Variants in LRRC7 observed in about 807,000 individuals in gnomAD.
The protein encoded by LRRC7 is leucine-rich repeat-containing protein 7.
Under a neutral mutation model 175.7 loss-of-function variants are expected in LRRC7, and 23 were observed. The observed-to-expected ratio is 0.13, with a 90% CI of 0.09 to 0.19. LRRC7 has a LOEUF of 0.19. Among genes scored for constraint, LRRC7 ranks in the 10% least tolerant of loss-of-function variants. LRRC7 has a pLI of 1.00. For synonymous variants in LRRC7, 685 were observed against 680.9 expected (o/e 1.01, Z -0.09); for missense variants, 1,354 against 1,904.7 (o/e 0.71, Z 5.38).
At chr1:69,935,721 C>T (rs2101783633) in intron 8 of LRRC7, among the ~76,000 whole-genome samples, 1 of 152,156 alleles carries the variant, frequency 6.6e-6, no homozygotes, top group Middle Eastern at 3.4e-3. Flanking sequence ...ACATACTAAT[C>T]CTTTGTTGTC....
At chr1:69,992,304 A>G (rs1056203580) in intron 10 of LRRC7, among the ~76,000 whole-genome samples, 2 of 152,130 alleles carry the variant, frequency 1.3e-5, no homozygotes, top group Non-Finnish European at 2.9e-5. Context: ...CTGACTGCAT[A>G]TATGTGTGTG....
chr1:69,907,476 G>T (rs1177815324), intron 7 of LRRC7, among the ~76,000 whole-genome samples: 2 of 152,146 alleles, frequency 1.3e-5, no homozygotes, highest in South Asian at 2.1e-4. Flanking sequence ...ATGAAGGGTT[G>T]TTGAATTTTG....
chr1:70,039,826 T>G, intron 21 of LRRC7, 33 bp downstream of exon 21: 1 of 1,536,174 alleles, frequency 6.5e-7, no homozygotes, highest in Non-Finnish European at 8.7e-7. Flanking sequence ...AGAATATCCC[T>G]CCTGCCTTTA....
intron 23 of LRRC7, among the ~76,000 whole-genome samples, chr1:70,075,606 A>C (rs1483175559): frequency 1.3e-5 from 2 of 152,210 alleles, no homozygotes; most frequent in African/African-American, 4.8e-5. Flanking sequence ...TAATGGTGAT[A>C]ATTGATAAAT....
chr1:69,969,445 C>T (rs576948249), intron 8 of LRRC7, among the ~76,000 whole-genome samples: 2 of 152,074 alleles, frequency 1.3e-5, no homozygotes, highest in Non-Finnish European at 2.9e-5. Context: ...AAAGACACCC[C>T]ATGCAAATGG....
chr1:69,898,942 C>A (rs750183056), intron 7 of LRRC7, among the ~76,000 whole-genome samples: 2 of 152,206 alleles, frequency 1.3e-5, no homozygotes, highest in African/African-American at 2.4e-5. Context: ...CCATGGAGAA[C>A]CACGCAGCAT....
chr1:69,671,566 G>A (rs1446851884), intron 1 of LRRC7, among the ~76,000 whole-genome samples: 7 of 152,050 alleles, frequency 4.6e-5, no homozygotes, highest in Non-Finnish European at 1.0e-4. Context: ...TTCAGTCCTA[G>A]GACTTACCTT....
chr1:69,631,224 C>T lies in LRRC7; in HGVS notation c.3-47157C>T, dbSNP rs1196223983. Among the ~76,000 whole-genome samples the T allele has an allele frequency of 2.0e-5, 3 of 152,044 alleles. No individual in the cohort carries two copies. In the South Asian group the frequency reaches 6.2e-4, roughly 32 times the overall value. ...AATGTGGATTTCTGTCTTCACTGGT[C>T]GACTTAACTTGCCCTTACCAAGGCT... On this transcript the variant is annotated intron_variant, in intron 1 of 26. Coordinates refer to ENST00000651989, the MANE Select transcript of LRRC7 (RefSeq NM_001370785.2).
rs1370287556 is a variant in LRRC7 at position 69,568,227 on chromosome 1, A to G, written c.-413A>G. Among the ~76,000 whole-genome samples the G allele has an allele frequency of 2.0e-5, 3 of 151,600 alleles. No homozygotes were observed. The highest frequency in any genetic ancestry group is 4.4e-5 in the Non-Finnish European group (3 of 67,898). The stretch of plus-strand genomic sequence containing the variant: ...CCTGCTTGTCTCTTCTCCGCCCAGG[A>G]TTTATTGTCTGTGGAGCCTTCTGGG... On this transcript the variant is annotated 5_prime_UTR_variant, in exon 1 of 27. Coordinates refer to ENST00000651989, the MANE Select transcript of LRRC7 (RefSeq NM_001370785.2).
rs369214103 is a variant in LRRC7, at chr1:70,096,634, C to T, written c.4545+6815C>T. Among the ~76,000 whole-genome samples the T allele has an allele frequency of 3.3e-5, 5 of 151,906 alleles. No homozygotes were observed. The South Asian group carries it at 6.2e-4, about 19-fold the overall frequency. ...ACGTTCCCTTTGTCCTCTCTGTCAACGAATGTTTCTACCTTGACTCAGAAC... is the reference window on the plus strand; with the variant it reads ...ACGTTCCCTTTGTCCTCTCTGTCAATGAATGTTTCTACCTTGACTCAGAAC... On this transcript the variant is annotated intron_variant, in intron 25 of 26. Transcript: ENST00000651989.
intron 1 of LRRC7, among the ~76,000 whole-genome samples, chr1:69,648,911 T>C (rs1406239083): frequency 2.6e-5 from 4 of 151,668 alleles, no homozygotes; most frequent in South Asian, 2.1e-4. Context: ...GGTATCACTA[T>C]GAGAAAAGGC....
At chr1:69,988,476 G>A (rs529722563) in intron 10 of LRRC7, among the ~76,000 whole-genome samples, 1 of 152,276 alleles carries the variant, frequency 6.6e-6, no homozygotes, top group East Asian at 1.9e-4. Context: ...ACCTGAACCT[G>A]TGATAGAATG....
intron 1 of LRRC7, among the ~76,000 whole-genome samples, chr1:69,652,937 A>G (rs1656073769): frequency 6.6e-6 from 1 of 152,096 alleles, no homozygotes; most frequent in Non-Finnish European, 1.5e-5. Flanking sequence ...CCCACACACA[A>G]AAATCAACTC....
intron 2 of LRRC7, among the ~76,000 whole-genome samples, chr1:69,729,002 TGGC>T (rs1402539721): frequency 2.0e-5 from 3 of 152,222 alleles, no homozygotes; most frequent in Non-Finnish European, 4.4e-5. Flanking sequence ...CTTCTACACA[TGGC>T]AGCAGCAAGG....
intron 1 of LRRC7, among the ~76,000 whole-genome samples, chr1:69,577,541 G>T (rs950564234): frequency 1.3e-5 from 2 of 152,060 alleles, no homozygotes; most frequent in South Asian, 2.1e-4. Context: ...TAATCCATCT[G>T]GAATTAATTT....
intron 8 of LRRC7, among the ~76,000 whole-genome samples, chr1:69,954,808 C>T (rs1650324250): frequency 6.6e-6 from 1 of 152,042 alleles, no homozygotes; most frequent in African/African-American, 2.4e-5. Context: ...TGTCTTATGA[C>T]ATTGTCAGCA....
At chr1:69,803,609 T>C (rs541323505) in intron 4 of LRRC7, among the ~76,000 whole-genome samples, 2 of 151,610 alleles carry the variant, frequency 1.3e-5, no homozygotes, top group South Asian at 4.1e-4. Flanking sequence ...GCTACAGAGC[T>C]GAATGTAAGT....
intron 8 of LRRC7, among the ~76,000 whole-genome samples, chr1:69,946,737 C>T (rs777503699): frequency 2.0e-5 from 3 of 151,582 alleles, no homozygotes; most frequent in Non-Finnish European, 4.4e-5. Flanking sequence ...TTACCATTTG[C>T]ATGGAATATC....
At chr1:70,007,735 A>T (rs936885753) in intron 11 of LRRC7, among the ~76,000 whole-genome samples, 1 of 152,096 alleles carries the variant, frequency 6.6e-6, no homozygotes, top group Non-Finnish European at 1.5e-5. Context: ...TTGTGCTTTC[A>T]GTGTCATGAG....
Sources: gnomAD v4.1 joint callset for allele counts (sites outside exome capture counted in the v4.1 genomes callset) on GRCh38, gnomAD v4.1.1 for gene constraint, MANE v1.5 for transcripts, NCBI Gene and HGNC (gene_info 2026-07-23, HGNC 2026-07-21) for gene names.